GRM5: variants seen among roughly 807,000 people sequenced by gnomAD.
GRM5 encodes glutamate metabotropic receptor 5.
GRM5 carries 19 observed loss-of-function variants against 83.1 expected under a neutral mutation model. The observed-to-expected ratio is 0.23, with a 90% CI of 0.16 to 0.34. The LOEUF is 0.34. Among genes scored for constraint, GRM5 ranks in the 10% least tolerant of loss-of-function variants. The pLI, the probability that GRM5 is intolerant of heterozygous loss-of-function variation, is 1.00. For missense variants in GRM5, 1,160 were observed against 1,588.3 expected (o/e 0.73, Z 4.58); for synonymous variants, 675 against 633.6 (o/e 1.07, Z -0.98).
At chr11:88,572,130 G>A (rs1480261198) in intron 7 of GRM5, among the ~76,000 whole-genome samples, 1 of 152,162 alleles carries the variant, frequency 6.6e-6, no homozygotes, top group Non-Finnish European at 1.5e-5. Flanking sequence ...TGTTTGTACT[G>A]GGTCTGACCT....
At chr11:88,810,409 A>G (rs1358561685) in intron 3 of GRM5, among the ~76,000 whole-genome samples, 1 of 152,138 alleles carries the variant, frequency 6.6e-6, no homozygotes. Flanking sequence ...TCAATTCTGT[A>G]CAAACATCTG....
chr11:88,508,426 C>T lies in GRM5; in HGVS notation c.*166G>A. The T allele has an allele frequency of 2.0e-6, 1 of 502,400 alleles. No homozygotes were observed. The highest frequency in any genetic ancestry group is 3.5e-6 in the Non-Finnish European group (1 of 289,764). 31.1% of individuals were successfully genotyped at this position (502,400 alleles called of 1,614,324 possible). A position where few individuals can be genotyped will look rare whatever the true frequency, so the allele number is the denominator to read the frequency against. On this transcript the variant is annotated 3_prime_UTR_variant, in exon 10 of 10. Coordinates refer to ENST00000305447, the MANE Select transcript of GRM5 (RefSeq NM_001143831.3). The surrounding 1 kb of genome is among the most constrained non-coding windows in gnomAD (Gnocchi z 4.2). ...CCAAAAGATTTGTCGTCGGTTTCTT[C>T]GTCGGTTGTCATGAGATAGCACTAC... is the stretch of plus-strand genomic sequence containing the variant.
intron 6 of GRM5, among the ~76,000 whole-genome samples, chr11:88,592,614 C>A (rs1332702857): frequency 6.6e-6 from 1 of 152,074 alleles, no homozygotes; most frequent in Non-Finnish European, 1.5e-5. Flanking sequence ...AAATTCATGC[C>A]CTTTTCCAAG....
intron 5 of GRM5, among the ~76,000 whole-genome samples, chr11:88,599,048 C>T (rs1366414609): frequency 6.6e-6 from 1 of 152,118 alleles, no homozygotes; most frequent in Non-Finnish European, 1.5e-5. Context: ...TAGACTGCTC[C>T]AAATCCTGGG....
At chr11:88,943,396 C>A (rs1346220460) in intron 2 of GRM5, among the ~76,000 whole-genome samples, 1 of 152,030 alleles carries the variant, frequency 6.6e-6, no homozygotes, top group Non-Finnish European at 1.5e-5. Flanking sequence ...ATCATTTTCA[C>A]CATTTCTTCT....
chr11:88,580,650 A>C (rs1943199540), intron 7 of GRM5, among the ~76,000 whole-genome samples: 1 of 152,196 alleles, frequency 6.6e-6, no homozygotes, highest in Non-Finnish European at 1.5e-5. Context: ...TGGGATTTCC[A>C]AGTCACCATT....
intron 2 of GRM5, among the ~76,000 whole-genome samples, chr11:88,926,120 C>T (rs149820290): frequency 7.9e-5 from 12 of 152,250 alleles, no homozygotes; most frequent in African/African-American, 2.6e-4. Flanking sequence ...GCCTCCTGCA[C>T]CTTTTCCCAT....
chr11:88,798,609 G>A (rs10501686), intron 3 of GRM5, among the ~76,000 whole-genome samples: 73,735 of 151,628 alleles, frequency 0.49, 21,138 homozygotes, highest in East Asian at 0.76. Flanking sequence ...CAGGTTTAAC[G>A]ATATTGGTCT....
intron 2 of GRM5, among the ~76,000 whole-genome samples, chr11:88,862,844 A>C (rs1346606319): frequency 6.6e-6 from 1 of 152,106 alleles, no homozygotes; most frequent in East Asian, 1.9e-4. Flanking sequence ...CAGAATAGGG[A>C]AAAATGTTTA....
At chr11:88,701,810 A>C (rs149766669) in intron 3 of GRM5, among the ~76,000 whole-genome samples, 87 of 152,264 alleles carry the variant, frequency 5.7e-4, no homozygotes, top group African/African-American at 2.0e-3. Context: ...GAATAAAGGA[A>C]TGTTTAGGTT....
chr11:89,005,873 T>C lies in GRM5; in HGVS notation c.661+41339A>G, dbSNP rs998741866. On this transcript the variant is annotated intron_variant, in intron 2 of 9. Coordinates refer to ENST00000305447, the MANE Select transcript of GRM5 (RefSeq NM_001143831.3). ...CATATTGTTGTCATTTTGCTAGGTA[T>C]TGGAACTATACAAATAAAAGCCCTA... 1.2e-4 allele frequency among the ~76,000 whole-genome samples: 19 copies of C among 152,304 alleles called. No homozygotes were observed. In the East Asian group the frequency reaches 3.3e-3, roughly 26 times the overall value.
intron 2 of GRM5, among the ~76,000 whole-genome samples, chr11:89,037,161 T>C (rs1426518712): frequency 6.6e-6 from 1 of 152,138 alleles, no homozygotes; most frequent in African/African-American, 2.4e-5. Context: ...TGTACCTGTA[T>C]GTCTCTGTGT....
At chr11:88,925,814 C>A (rs1165490807) in intron 2 of GRM5, 1 of 448,052 alleles carries the variant, frequency 2.2e-6, no homozygotes, top group East Asian at 7.2e-5. Flanking sequence ...GAGGCTGAGG[C>A]ATGAGAATAG....
At chr11:88,695,121 A>G (rs1351775952) in intron 3 of GRM5, among the ~76,000 whole-genome samples, 1 of 152,204 alleles carries the variant, frequency 6.6e-6, no homozygotes, top group Non-Finnish European at 1.5e-5. Context: ...ACATCTGACA[A>G]GGAGAGAGAA....
intron 2 of GRM5, among the ~76,000 whole-genome samples, chr11:89,020,908 C>T (rs1372934074): frequency 6.6e-6 from 1 of 152,136 alleles, no homozygotes; most frequent in Admixed American, 6.6e-5. Flanking sequence ...GAGATTAGTG[C>T]TTTCTAATGG....
intron 4 of GRM5, among the ~76,000 whole-genome samples, chr11:88,635,768 A>T (rs1281102045): frequency 1.3e-5 from 2 of 152,116 alleles, no homozygotes; most frequent in Non-Finnish European, 2.9e-5. Context: ...CCAGGCCACT[A>T]TCAGGAAGAT....
chr11:88,701,214 G>A (rs764615512), intron 3 of GRM5, among the ~76,000 whole-genome samples: 8 of 152,140 alleles, frequency 5.3e-5, no homozygotes, highest in African/African-American at 1.9e-4. Context: ...TGTTAGAGCA[G>A]TGGGGCTGCA....
intron 7 of GRM5, among the ~76,000 whole-genome samples, chr11:88,587,085 T>G (rs1481204079): frequency 6.6e-6 from 1 of 152,228 alleles, no homozygotes; most frequent in Non-Finnish European, 1.5e-5. Context: ...AAGGGACAGC[T>G]ATGTCCATGA....
chr11:88,572,365 A>T lies in GRM5; in HGVS notation c.1691-4373T>A, dbSNP rs1185604520. Reference sequence around the variant, plus strand: ...ACATCAGACAGAAGGAAGGAAGTGTATCAGAAGCCAAAGGAAAGTATTAAT... The same window carrying T: ...ACATCAGACAGAAGGAAGGAAGTGTTTCAGAAGCCAAAGGAAAGTATTAAT... On this transcript the variant is annotated intron_variant, in intron 7 of 9. Transcript: ENST00000305447. Among the ~76,000 whole-genome samples the T allele has an allele frequency of 3.3e-5, 5 of 152,338 alleles. No homozygotes were observed. The East Asian group carries it at 5.8e-4, about 18-fold the overall frequency.
Sources: allele counts gnomAD v4.1 joint callset (sites outside exome capture counted in the v4.1 genomes callset), GRCh38; gene constraint gnomAD v4.1.1; non-coding constraint Gnocchi (gnomAD v3.1); transcripts MANE v1.5; gene names NCBI Gene and HGNC (gene_info 2026-07-23, HGNC 2026-07-21).